RANBP2: variants seen among roughly 807,000 people sequenced by gnomAD.
RANBP2 encodes E3 SUMO-protein ligase RanBP2.
RANBP2 carries 57 observed loss-of-function variants against 303.6 expected under a neutral mutation model. The observed-to-expected ratio is 0.19, with a 90% CI of 0.15 to 0.23. RANBP2 has a LOEUF of 0.23. Ranked by LOEUF, RANBP2 falls within the 10% of genes least tolerant of loss-of-function variation. RANBP2 has a pLI of 1.00. For synonymous variants in RANBP2, 1,167 were observed against 1,301.5 expected (o/e 0.90, Z 2.23); for missense variants, 3,138 against 3,780.8 (o/e 0.83, Z 4.46).
At chr2:109,405,702 C>T in the RANBP2 span, among the ~76,000 whole-genome samples, 1 of 152,204 alleles carries the variant, frequency 6.6e-6, no homozygotes, top group Admixed American at 6.5e-5. Flanking sequence ...TCTATGGCCC[C>T]ATGTCACCTT....
chr2:109,320,256 C>A, the RANBP2 span, among the ~76,000 whole-genome samples: 12 of 152,114 alleles, frequency 7.9e-5, no homozygotes, highest in Non-Finnish European at 1.3e-4. Flanking sequence ...CAGAGGAGGG[C>A]GGTGGGAATG....
chr2:109,464,320 C>T, the RANBP2 span, among the ~76,000 whole-genome samples: 11 of 152,294 alleles, frequency 7.2e-5, no homozygotes, highest in African/African-American at 1.7e-4. Context: ...CATGAACTCA[C>T]GTACAATGTG....
At chr2:109,594,708 C>G in the RANBP2 span, 9 of 152,248 alleles carry the variant, frequency 5.9e-5, no homozygotes, top group Non-Finnish European at 1.5e-5. Context: ...TCTGTGCGGG[C>G]GCGTGCACGC....
At chr2:109,347,595 C>G in the RANBP2 span, 1 of 1,528,534 alleles carries the variant, frequency 6.5e-7, no homozygotes, top group South Asian at 1.3e-5. Flanking sequence ...CTGAGAAGCC[C>G]CGGCCTGCCC....
the RANBP2 span, among the ~76,000 whole-genome samples, chr2:109,125,463 G>A: frequency 1.3e-5 from 2 of 152,204 alleles, no homozygotes; most frequent in East Asian, 3.9e-4. Flanking sequence ...TCCTTCAACT[G>A]AAACTCATGG....
the RANBP2 span, among the ~76,000 whole-genome samples, chr2:109,066,409 G>A: frequency 6.6e-6 from 1 of 152,094 alleles, no homozygotes; most frequent in African/African-American, 2.4e-5. Context: ...GCTGGCCGTG[G>A]ATTCTTTTTT....
the RANBP2 span, among the ~76,000 whole-genome samples, chr2:109,290,103 G>A: frequency 6.6e-6 from 1 of 152,156 alleles, no homozygotes; most frequent in Non-Finnish European, 1.5e-5. Flanking sequence ...CTGCTGGTCC[G>A]TGGACCACAC....
At chr2:108,929,993 G>T in the RANBP2 span, 1 of 1,172,752 alleles carries the variant, frequency 8.5e-7, no homozygotes, top group Non-Finnish European at 1.2e-6. Context: ...CGTCCAGGGA[G>T]CGTGACCGGC....
At chr2:109,096,800 CT>C in the RANBP2 span, among the ~76,000 whole-genome samples, 32,819 of 142,330 alleles carry the variant, frequency 0.23, 4,915 homozygotes, top group East Asian at 0.67. Flanking sequence ...TTTGGAAACG[CT>C]TTTTTTTTTT....
chr2:109,441,149 C>A, the RANBP2 span, among the ~76,000 whole-genome samples: 1 of 103,512 alleles, frequency 9.7e-6, no homozygotes, highest in Admixed American at 8.7e-5. Context: ...AAAAAAAATT[C>A]CAGCTCTCAA....
the RANBP2 span, among the ~76,000 whole-genome samples, chr2:109,304,011 G>A: frequency 3.3e-5 from 5 of 151,918 alleles, no homozygotes; most frequent in African/African-American, 1.2e-4. Context: ...TGAGGCAGGA[G>A]AATTGCTTGA....
the RANBP2 span, among the ~76,000 whole-genome samples, chr2:109,582,817 T>G: frequency 2.0e-5 from 3 of 152,128 alleles, no homozygotes; most frequent in Non-Finnish European, 2.9e-5. Context: ...ATGGTTGTGG[T>G]ATAAAAACAG....
the RANBP2 span, among the ~76,000 whole-genome samples, chr2:109,637,608 T>C: frequency 1.7e-3 from 254 of 152,330 alleles, 1 homozygote; most frequent in African/African-American, 5.9e-3. Context: ...GTATACTGCT[T>C]GTAAACATTT....
At chr2:109,524,374 C>T in the RANBP2 span, among the ~76,000 whole-genome samples, 1 of 147,454 alleles carries the variant, frequency 6.8e-6, no homozygotes, top group Non-Finnish European at 1.5e-5. Flanking sequence ...CGGAGTGAAG[C>T]AGCCATAACA....
the RANBP2 span, chr2:108,873,629 A>G: frequency 4.3e-5 from 61 of 1,418,200 alleles, no homozygotes; most frequent in Non-Finnish European, 5.8e-5. Flanking sequence ...ATTGAAAAAT[A>G]CCTTACTGTG....
chr2:109,452,895 G>T, the RANBP2 span, among the ~76,000 whole-genome samples: 1 of 149,272 alleles, frequency 6.7e-6, no homozygotes, highest in African/African-American at 2.5e-5. Flanking sequence ...GTCCCAGGAG[G>T]CTGGTCCCGG....
chr2:108,794,539 G>A, the RANBP2 span: 2 of 1,592,784 alleles, frequency 1.3e-6, no homozygotes, highest in East Asian at 2.2e-5. Context: ...TTTCTTTGCA[G>A]TTGCCTTGCC....
At chr2:108,746,675 T>G in intron 7 of RANBP2, 36 bp from the exon 8 acceptor site, 1 of 873,014 alleles carries the variant, frequency 1.1e-6, no homozygotes, top group Non-Finnish European at 1.8e-6. Context: ...AGTATGGGTA[T>G]CATCAAATTA....
chr2:109,267,703 CT>C, the RANBP2 span, among the ~76,000 whole-genome samples: 1 of 152,200 alleles, frequency 6.6e-6, no homozygotes, highest in African/African-American at 2.4e-5. Flanking sequence ...CCTTTCCCTT[CT>C]TTTACTCTCC....
Sources: allele counts gnomAD v4.1 joint callset (sites outside exome capture counted in the v4.1 genomes callset), GRCh38; gene constraint gnomAD v4.1.1; transcripts MANE v1.5; gene names NCBI Gene and HGNC (gene_info 2026-07-23, HGNC 2026-07-21).